The following SMARCA2 variants were observed in gnomAD, a reference collection of about 807,000 sequenced individuals.
The protein encoded by SMARCA2 is SWI/SNF-related matrix-associated actin-dependent regulator of chromatin subfamily A member 2.
SMARCA2 carries 61 observed loss-of-function variants against 199.8 expected under a neutral mutation model. The observed-to-expected ratio is 0.31, with a 90% CI of 0.25 to 0.38. The LOEUF (loss-of-function observed/expected upper bound fraction) is 0.38, where lower values mean the gene tolerates loss of function less well. SMARCA2 is among the 10% of genes least tolerant of loss of function. The probability of loss-of-function intolerance (pLI) is 1.00; values close to 1 mark genes in which losing one functional copy is unlikely to be tolerated. For synonymous variants in SMARCA2, 935 were observed against 732.0 expected, an observed-to-expected ratio of 1.28 and a Z score of -4.48; for missense variants, 1,344 against 2,012.2, an observed-to-expected ratio of 0.67 and a Z score of 6.35.
chr9:2,085,355 C>G (rs1408567452), intron 17 of SMARCA2, among the ~76,000 whole-genome samples: 3 of 152,134 alleles, frequency 2.0e-5, no homozygotes, highest in Non-Finnish European at 4.4e-5. Flanking sequence ...ATGAGATGCA[C>G]TGCTTTTATT....
At chr9:2,107,790 A>G (rs1215469153) in intron 23 of SMARCA2, among the ~76,000 whole-genome samples, 1 of 152,172 alleles carries the variant, frequency 6.6e-6, no homozygotes, top group Non-Finnish European at 1.5e-5. Context: ...GGTTGTATTT[A>G]TATCTTATGT....
At chr9:2,040,179 A>C in intron 4 of SMARCA2, 11 of 640,564 alleles carry the variant, frequency 1.7e-5, no homozygotes, top group Non-Finnish European at 2.3e-5. Context: ...GAAGCGGTTC[A>C]AGGTTTCTTG....
At chr9:2,037,443 G>C (rs774529097) in intron 3 of SMARCA2, among the ~76,000 whole-genome samples, 5 of 152,210 alleles carry the variant, frequency 3.3e-5, no homozygotes, top group Non-Finnish European at 7.3e-5. Flanking sequence ...CCTGAATAGA[G>C]TTCTACTTCT....
At position 2,056,656 on chromosome 9, in the gene SMARCA2, G is replaced by A; in HGVS notation, c.1174-16G>A. 1 of 1,606,736 alleles carries A rather than the reference G, an allele frequency of 6.2e-7. No individual in the cohort carries two copies. Among genetic ancestry groups the A allele is most frequent in the Non-Finnish European group, 8.5e-7 (1 of 1,177,118 alleles). On this transcript the variant is annotated splice_polypyrimidine_tract_variant and intron_variant, in intron 6 of 33. Transcript: ENST00000349721. This position sits in a 1 kb window ranked among gnomAD's most constrained non-coding sequence, Gnocchi z 4.0. ...TTCTGTTAGGGAAGGCTGTCTAACT[G>A]CTCTCTTCTTGACAGCTGAGACAGG...
intron 27 of SMARCA2, among the ~76,000 whole-genome samples, chr9:2,139,534 GAATT>G (rs1824367114): frequency 6.6e-6 from 1 of 152,168 alleles, no homozygotes; most frequent in Admixed American, 6.5e-5. Flanking sequence ...TTCTGCAAGA[GAATT>G]AATAAGTCCA....
At chr9:2,021,717 T>C (rs1818608438) in intron 1 of SMARCA2, among the ~76,000 whole-genome samples, 2 of 152,172 alleles carry the variant, frequency 1.3e-5, no homozygotes, top group Admixed American at 6.5e-5. Flanking sequence ...TGATCTGTAA[T>C]TGATAATTTA....
chr9:2,159,917 T>A (rs762057569), intron 27 of SMARCA2: 1 of 1,608,198 alleles, frequency 6.2e-7, no homozygotes, highest in East Asian at 2.2e-5. Context: ...AAGGTAAATA[T>A]CCTTTTTCGT....
chr9:2,099,841 G>A (rs1209879882), intron 21 of SMARCA2, among the ~76,000 whole-genome samples: 1 of 152,156 alleles, frequency 6.6e-6, no homozygotes, highest in Non-Finnish European at 1.5e-5. Flanking sequence ...TTTTTAACAT[G>A]ATGCTGTTAC....
intron 29 of SMARCA2, among the ~76,000 whole-genome samples, chr9:2,175,318 A>G (rs1034040281): frequency 1.6e-5 from 2 of 125,698 alleles, no homozygotes; most frequent in African/African-American, 6.5e-5. Flanking sequence ...CCCCCCCCCA[A>G]CAATACACAC....
chr9:2,043,609 C>G (rs1327899257), intron 4 of SMARCA2: 2 of 151,992 alleles, frequency 1.3e-5, no homozygotes, highest in African/African-American at 4.8e-5. Flanking sequence ...TTTGTTTTTT[C>G]CAACCTGTGG....
At chr9:2,188,091 A>T (rs969096355) in intron 32 of SMARCA2, among the ~76,000 whole-genome samples, 2 of 152,238 alleles carry the variant, frequency 1.3e-5, no homozygotes, top group African/African-American at 2.4e-5. Flanking sequence ...TTCTAATTAC[A>T]TGTTAATACA....
intron 25 of SMARCA2, among the ~76,000 whole-genome samples, chr9:2,118,356 TG>T (rs946290330): frequency 4.6e-5 from 7 of 152,334 alleles, no homozygotes; most frequent in South Asian, 2.1e-4. Context: ...TTTACTTTAT[TG>T]GATTGCATTC....
chr9:2,184,996 C>T (rs1329912761), intron 31 of SMARCA2, among the ~76,000 whole-genome samples: 3 of 152,098 alleles, frequency 2.0e-5, no homozygotes, highest in Admixed American at 1.3e-4. Context: ...TCCTAAAGAG[C>T]AGGGGTTGTT....
chr9:2,144,837 C>T (rs1040156452), intron 27 of SMARCA2, among the ~76,000 whole-genome samples: 2 of 151,914 alleles, frequency 1.3e-5, no homozygotes, highest in Non-Finnish European at 2.9e-5. Context: ...GATCACAACT[C>T]ATCTCACCTG....
At chr9:2,154,984 C>G (rs927168965) in intron 27 of SMARCA2, among the ~76,000 whole-genome samples, 5 of 152,152 alleles carry the variant, frequency 3.3e-5, no homozygotes, top group African/African-American at 1.2e-4. Flanking sequence ...GTATTTCTTG[C>G]AGTTCTCCAT....
At chr9:2,181,056 G>GT (rs34910888) in intron 29 of SMARCA2, among the ~76,000 whole-genome samples, 19,266 of 152,140 alleles carry the variant, frequency 0.13, 1,298 homozygotes, top group African/African-American at 0.17. Flanking sequence ...TAGTCAGCCA[G>GT]TAGGTACGTA....
At chr9:2,154,492 A>C (rs1825236781) in intron 27 of SMARCA2, among the ~76,000 whole-genome samples, 1 of 152,176 alleles carries the variant, frequency 6.6e-6, no homozygotes, top group Non-Finnish European at 1.5e-5. Context: ...CAAGCAGAAC[A>C]ACTACCTCAT....
chr9:2,046,268 T>A (rs1310539317), intron 4 of SMARCA2, among the ~76,000 whole-genome samples: 1 of 152,234 alleles, frequency 6.6e-6, no homozygotes, highest in Non-Finnish European at 1.5e-5. Context: ...CTTAAAAATT[T>A]AAGTCTGTAC....
rs907788066 is a variant in SMARCA2, at chr9:2,039,509, C to T, written c.399C>T (p.His133=). The T allele has an allele frequency of 5.6e-6, 9 of 1,613,994 alleles. No homozygotes were observed. Among genetic ancestry groups the T allele is most frequent in the African/African-American group, 5.3e-5 (4 of 74,898 alleles). Residue 133 remains histidine (H), a synonymous_variant, in exon 4 of 34, where the codon CAC becomes CAT. Transcript: ENST00000349721. This position sits in a 1 kb window ranked among gnomAD's most constrained non-coding sequence, Gnocchi z 4.8. ...CATCTCCATTAGGAGCCCCAGAGCA[C>T]GTCTCCAGCCCTATGTCTGGAGGAG... ...PHPSPLGAPE[H]VSSPMSGGGP...
Sources: gnomAD v4.1 joint callset for allele counts (sites outside exome capture counted in the v4.1 genomes callset) on GRCh38, gnomAD v4.1.1 for gene constraint, Gnocchi (gnomAD v3.1) non-coding constraint, MANE v1.5 for transcripts, NCBI Gene and HGNC (gene_info 2026-07-23, HGNC 2026-07-21) for gene names.